The following MAN1A1 variants were observed in gnomAD, a reference collection of about 807,000 sequenced individuals.
MAN1A1 encodes mannosidase alpha class 1A member 1.
In MAN1A1, 29 loss-of-function variants were observed where a neutral mutation model predicts 70.8. The observed-to-expected ratio is 0.41, with a 90% CI of 0.31 to 0.56. The LOEUF (loss-of-function observed/expected upper bound fraction) is 0.56, where lower values mean the gene tolerates loss of function less well. MAN1A1 is among the 20% of genes least tolerant of loss of function. The pLI, the probability that MAN1A1 is intolerant of heterozygous loss-of-function variation, is 0.29. For missense variants in MAN1A1, 747 were observed against 841.3 expected (o/e 0.89, Z 1.39); for synonymous variants, 349 against 330.1 (o/e 1.06, Z -0.62).
chr6:119,210,999 T>C (rs190913769), intron 6 of MAN1A1: 16 of 418,292 alleles, frequency 3.8e-5, no homozygotes, highest in Non-Finnish European at 7.7e-5. Context: ...ATCATTTATA[T>C]CAAGATATTT....
At chr6:119,202,005 G>A (rs1419697860) in intron 7 of MAN1A1, among the ~76,000 whole-genome samples, 2 of 152,044 alleles carry the variant, frequency 1.3e-5, no homozygotes, top group Non-Finnish European at 2.9e-5. Flanking sequence ...GGACGTTACT[G>A]TATAGTACTG....
chr6:119,310,797 G>A (rs2114457540), intron 2 of MAN1A1, among the ~76,000 whole-genome samples: 1 of 152,276 alleles, frequency 6.6e-6, no homozygotes, highest in East Asian at 1.9e-4. Flanking sequence ...CCACTTGGAT[G>A]GTTCCCCAGT....
intron 2 of MAN1A1, among the ~76,000 whole-genome samples, chr6:119,314,655 C>G (rs1010738259): frequency 2.0e-5 from 3 of 152,104 alleles, no homozygotes; most frequent in African/African-American, 7.2e-5. Flanking sequence ...GGCCTCTGAG[C>G]CCTCCTGCTC....
chr6:119,226,447 C>T (rs908047515), intron 6 of MAN1A1, among the ~76,000 whole-genome samples: 5 of 152,126 alleles, frequency 3.3e-5, no homozygotes, highest in African/African-American at 1.2e-4. Context: ...AAGGAAACAT[C>T]ATTATTGTGG....
At chr6:119,295,142 T>C (rs1772170557) in intron 4 of MAN1A1, among the ~76,000 whole-genome samples, 1 of 152,128 alleles carries the variant, frequency 6.6e-6, no homozygotes, top group Admixed American at 6.6e-5. Flanking sequence ...CATGAGATCA[T>C]GGACAGGAAG....
intron 2 of MAN1A1, among the ~76,000 whole-genome samples, chr6:119,334,525 G>T (rs1773403331): frequency 6.6e-6 from 1 of 152,170 alleles, no homozygotes; most frequent in African/African-American, 2.4e-5. Context: ...ATAAAAGGAA[G>T]TAAACTTTTA....
chr6:119,263,501 G>T (rs1489732866), intron 5 of MAN1A1, among the ~76,000 whole-genome samples: 1 of 152,136 alleles, frequency 6.6e-6, no homozygotes, highest in Non-Finnish European at 1.5e-5. Flanking sequence ...GGGCCTTCTT[G>T]AGAGTGGTGG....
chr6:119,244,224 G>GA (rs1157778951), intron 6 of MAN1A1, among the ~76,000 whole-genome samples: 1 of 151,476 alleles, frequency 6.6e-6, no homozygotes, highest in African/African-American at 2.4e-5. Context: ...TCAAGTTCGA[G>GA]AAAAAAAAGC....
intron 6 of MAN1A1, among the ~76,000 whole-genome samples, chr6:119,246,511 G>C (rs186299785): frequency 2.6e-5 from 4 of 152,232 alleles, no homozygotes; most frequent in Non-Finnish European, 4.4e-5. Flanking sequence ...AATTAGCCAA[G>C]AGAGTTTAAA....
chr6:119,228,634 A>G (rs1041577763), intron 6 of MAN1A1, among the ~76,000 whole-genome samples: 4 of 152,172 alleles, frequency 2.6e-5, no homozygotes, highest in African/African-American at 9.6e-5. Context: ...CTAATTTCTT[A>G]GCCACAATGA....
intron 6 of MAN1A1, among the ~76,000 whole-genome samples, chr6:119,212,006 A>G (rs1161118840): frequency 6.6e-6 from 1 of 151,534 alleles, no homozygotes; most frequent in Non-Finnish European, 1.5e-5. Context: ...ATGCCTGGCT[A>G]ATTTTTTGTA....
Position 119,178,947 on chromosome 6 carries a change from C to T in MAN1A1, c.*872G>A, listed in dbSNP as rs1246869101. On this transcript the variant is annotated 3_prime_UTR_variant, in exon 13 of 13. Transcript: ENST00000368468. Reference sequence around the variant, plus strand: ...TGAAATACCCTCTCTTTAGACAGACCCAATTTCTTCATATATTCAGTTAAA... The same window carrying T: ...TGAAATACCCTCTCTTTAGACAGACTCAATTTCTTCATATATTCAGTTAAA... The T allele has an allele frequency of 6.6e-6, 1 of 152,036 alleles. No individual in the cohort carries two copies. Among genetic ancestry groups the T allele is most frequent in the Admixed American group, 6.6e-5 (1 of 15,266 alleles). The allele number at this position is 152,036 out of a possible 1,614,324, so 9.4% of individuals were successfully genotyped here. A position where few individuals can be genotyped will look rare whatever the true frequency, so the allele number is the denominator to read the frequency against.
chr6:119,223,217 C>G (rs1774414630), intron 6 of MAN1A1, among the ~76,000 whole-genome samples: 1 of 151,986 alleles, frequency 6.6e-6, no homozygotes, highest in Admixed American at 6.6e-5. Context: ...ACTAAATAAA[C>G]TAAAGCTCCT....
upstream of MAN1A1, chr6:119,349,862 GGGGGC>G: frequency 1.6e-6 from 1 of 616,508 alleles, no homozygotes; most frequent in East Asian, 1.4e-4. Context: ...AGGGTCCCGC[GGGGGC>G]GGGGCCGAGG....
At chr6:119,339,619 A>G (rs1388576625) in intron 2 of MAN1A1, among the ~76,000 whole-genome samples, 1 of 151,310 alleles carries the variant, frequency 6.6e-6, no homozygotes, top group African/African-American at 2.4e-5. Context: ...TTTCTACTCT[A>G]GTGTGCTTTC....
At chr6:119,348,434 G>A (rs1327694446) in intron 2 of MAN1A1, 29 bp downstream of exon 2, 6 of 1,538,282 alleles carry the variant, frequency 3.9e-6, no homozygotes, top group South Asian at 1.2e-5. Context: ...ACGGCCGGTC[G>A]GGAGGGATTT....
At chr6:119,321,955 C>T (rs1773022869) in intron 2 of MAN1A1, among the ~76,000 whole-genome samples, 1 of 152,224 alleles carries the variant, frequency 6.6e-6, no homozygotes, top group Non-Finnish European at 1.5e-5. Flanking sequence ...AAAAATGTTC[C>T]AGGGGCCGCA....
At chr6:119,249,472 C>T (rs527408195) in intron 5 of MAN1A1, among the ~76,000 whole-genome samples, 23 of 152,238 alleles carry the variant, frequency 1.5e-4, no homozygotes, top group Admixed American at 1.4e-3. Flanking sequence ...GTACCTGTTC[C>T]CCTCTCCTTT....
chr6:119,262,859 A>T (rs2114357006), intron 5 of MAN1A1, among the ~76,000 whole-genome samples: 1 of 152,346 alleles, frequency 6.6e-6, no homozygotes, highest in South Asian at 2.1e-4. Context: ...TGAGGGATAC[A>T]AAGTATAAAT....
Sources: allele counts gnomAD v4.1 joint callset (sites outside exome capture counted in the v4.1 genomes callset), GRCh38; gene constraint gnomAD v4.1.1; transcripts MANE v1.5; gene names NCBI Gene and HGNC (gene_info 2026-07-23, HGNC 2026-07-21).